Variants in APPL1 observed in about 807,000 individuals in gnomAD.
The protein encoded by APPL1 is adaptor protein, phosphotyrosine interacting with PH domain and leucine zipper 1, also known as DCC-interacting protein 13-alpha.
Under a neutral mutation model 106.8 loss-of-function variants are expected in APPL1, and 42 were observed. The ratio of observed to expected loss-of-function variants is 0.39; its 90% CI spans 0.31 to 0.51. The LOEUF is 0.51. APPL1 is among the 20% of genes least tolerant of loss of function. The pLI is 0.75. For synonymous variants in APPL1, 263 were observed against 281.8 expected (o/e 0.93, Z 0.67); for missense variants, 769 against 858.2 (o/e 0.90, Z 1.30).
chr3:57,261,101 C>T (rs114683052), intron 19 of APPL1, among the ~76,000 whole-genome samples: 3,681 of 152,232 alleles, frequency 0.024, 71 homozygotes, highest in South Asian at 0.036. Context: ...TCTTCATCCT[C>T]CCCCTTTCCT....
chr3:57,269,456 G>A lies in APPL1; in HGVS notation c.1984-85G>A, dbSNP rs1324845587. 3.5e-6 allele frequency: 5 copies of A among 1,412,840 alleles called. No homozygotes were observed. In the East Asian group the frequency reaches 9.3e-5, roughly 26 times the overall value. 87.5% of individuals were successfully genotyped at this position (1,412,840 alleles called of 1,614,324 possible). ...CATACATATTTATGACAGAAGAAGT[G>A]GCTCTCAAGAATGTATCTTAACTGC... On this transcript the variant is annotated intron_variant, in intron 21 of 21. Transcript: ENST00000288266.
intron 4 of APPL1, among the ~76,000 whole-genome samples, chr3:57,238,929 C>T (rs552885362): frequency 6.6e-6 from 1 of 152,250 alleles, no homozygotes; most frequent in East Asian, 1.9e-4. Context: ...GTGTATTAGT[C>T]TGTTTTCACA....
chr3:57,261,862 G>A (rs964920427), intron 19 of APPL1, among the ~76,000 whole-genome samples: 4 of 152,102 alleles, frequency 2.6e-5, no homozygotes, highest in Admixed American at 6.5e-5. Flanking sequence ...TTCCATAGTG[G>A]TTGTACTAGT....
At chr3:57,234,271 T>C (rs1279817148) in intron 1 of APPL1, among the ~76,000 whole-genome samples, 4 of 151,856 alleles carry the variant, frequency 2.6e-5, no homozygotes, top group African/African-American at 7.3e-5. Flanking sequence ...AGTTTCCTTA[T>C]CTTTGACAAA....
intron 4 of APPL1, among the ~76,000 whole-genome samples, chr3:57,238,978 A>G (rs996308800): frequency 6.6e-6 from 1 of 152,228 alleles, no homozygotes; most frequent in Non-Finnish European, 1.5e-5. Flanking sequence ...TAATTTATAA[A>G]GAAAAAGAGG....
chr3:57,235,988 T>C lies in APPL1; in HGVS notation c.153+324T>C, dbSNP rs140580368. Among the ~76,000 whole-genome samples the C allele has an allele frequency of 1.2e-3, 184 of 152,084 alleles. 1 individual carries two copies. The highest frequency in any genetic ancestry group is 4.3e-3 in the African/African-American group (177 of 41,494). On this transcript the variant is annotated intron_variant, in intron 2 of 21. Transcript: ENST00000288266. ...TTGAATGAAGACCCCATGTCATCAC[T>C]GGTATTTTCCCTAATCATGCTTATT...
Position 57,270,625 on chromosome 3 carries a change from CAG to C in APPL1, c.*941_*942del, listed in dbSNP as rs1174328093. The C allele has an allele frequency of 6.6e-6, 1 of 152,440 alleles. No individual in the cohort carries two copies. Among genetic ancestry groups the C allele is most frequent in the African/African-American group, 2.4e-5 (1 of 41,378 alleles). 9.4% of individuals were successfully genotyped at this position (152,440 alleles called of 1,614,324 possible). A position where few individuals can be genotyped will look rare whatever the true frequency, so the allele number is the denominator to read the frequency against. ...GTTTCATGCTTAAAGTAAAAATTCCCAGAGTTTAGTTTAGAAAATGTAATCTT... is the reference window on the plus strand; with the variant it reads ...GTTTCATGCTTAAAGTAAAAATTCCCAGTTTAGTTTAGAAAATGTAATCTT... On this transcript the variant is annotated 3_prime_UTR_variant, in exon 22 of 22. Transcript: ENST00000288266.
Position 57,263,590 on chromosome 3 carries a change from C to G in APPL1, c.1842+2816C>G, listed in dbSNP as rs137885669. Among the ~76,000 whole-genome samples, 628 of 152,222 alleles carry G rather than the reference C, an allele frequency of 4.1e-3. 5 individuals are homozygous for G. The highest frequency in any genetic ancestry group is 0.014 in the African/African-American group (602 of 41,534). On this transcript the variant is annotated intron_variant, in intron 19 of 21. Transcript: ENST00000288266. ...TATATCTTATTGCAAATGACAGAAT[C>G]TCATTCTTTTTTATGGCTGAATAGT...
At position 57,246,077 on chromosome 3, in the gene APPL1, T is replaced by G; in HGVS notation, c.476T>G (p.Val159Gly). 1 of 1,565,594 alleles carries G rather than the reference T, an allele frequency of 6.4e-7. No individual in the cohort carries two copies. The highest frequency in any genetic ancestry group is 8.6e-7 in the Non-Finnish European group (1 of 1,161,408). Residue 159 changes from valine to glycine, a missense_variant and splice_region_variant, in exon 8 of 22, where the codon GTG (valine) becomes GGG (glycine). Coordinates refer to ENST00000288266, the MANE Select transcript of APPL1 (RefSeq NM_012096.3). ...RLSKKRENDKVKYEVTEDVYT... is the reference protein window; with the variant it reads ...RLSKKRENDKGKYEVTEDVYT... ...TTATTTAAATCTTTTCATTCAAAGG[T>G]GAAGTATGAAGTAACAGAAGATGTG...
chr3:57,259,153 A>T, intron 16 of APPL1, 73 bp downstream of exon 16: 4 of 1,304,928 alleles, frequency 3.1e-6, no homozygotes, highest in Non-Finnish European at 4.4e-6. Flanking sequence ...TATTGTTTAT[A>T]TTTGCTCTGC....
chr3:57,250,988 T>A (rs2107604339), intron 11 of APPL1, among the ~76,000 whole-genome samples: 1 of 148,314 alleles, frequency 6.7e-6, no homozygotes, highest in Admixed American at 6.7e-5. Context: ...TTTGTATTTT[T>A]AGTAGAGACG....
At position 57,249,484 on chromosome 3, in the gene APPL1, G is replaced by A; in HGVS notation, c.988G>A (p.Val330Met). 6.2e-7 allele frequency: 1 copy of A among 1,614,112 alleles called. No homozygotes were observed. Among genetic ancestry groups the A allele is most frequent in the Non-Finnish European group, 8.5e-7 (1 of 1,179,992 alleles). Residue 330 changes from valine (V) to methionine (M), a missense_variant, in exon 11 of 22, where the codon GTG becomes ATG. Transcript: ENST00000288266. Reference protein sequence around the residue: ...GLAMDIDNCSVMAVDCEDRRY... With the variant: ...GLAMDIDNCSMMAVDCEDRRY... The stretch of plus-strand genomic sequence containing the variant: ...GGCCATGGACATAGACAACTGTTCA[G>A]TGATGGCTGTGGACTGTGAAGACAG...
In APPL1 at chr3:57,272,487, G is replaced by GAGTT. The variant is rs1035025147; in HGVS notation, c.*2802_*2805dup. The GAGTT allele has an allele frequency of 6.6e-6, 1 of 152,140 alleles. No homozygotes were observed. Among genetic ancestry groups the GAGTT allele is most frequent in the East Asian group, 1.9e-4 (1 of 5,196 alleles). The allele number at this position is 152,140 out of a possible 1,614,324, so 9.4% of individuals were successfully genotyped here. ...AAAATCGTATATGGTAAAGGCATTT[G>GAGTT]AGTTAATTTTGCATTATATCTAGGA... is the stretch of plus-strand genomic sequence containing the variant. On this transcript the variant is annotated 3_prime_UTR_variant, in exon 22 of 22. Transcript: ENST00000288266.
chr3:57,229,387 G>A (rs1396147953), intron 1 of APPL1, among the ~76,000 whole-genome samples: 1 of 151,714 alleles, frequency 6.6e-6, no homozygotes, highest in Admixed American at 6.6e-5. Context: ...ACACTGCCCT[G>A]GAAATGACTT....
chr3:57,251,571 A>G (rs748505805), intron 11 of APPL1, among the ~76,000 whole-genome samples: 5 of 152,048 alleles, frequency 3.3e-5, no homozygotes, highest in Non-Finnish European at 7.4e-5. Context: ...TCCTTTATCA[A>G]AATGGTTGTT....
intron 13 of APPL1, among the ~76,000 whole-genome samples, chr3:57,254,670 A>G (rs1263327677): frequency 2.3e-4 from 35 of 152,214 alleles, no homozygotes; most frequent in African/African-American, 7.7e-4. Context: ...TGTTGCCCAG[A>G]CTGGAGTGCA....
Position 57,269,558 on chromosome 3 carries a change from T to C in APPL1, c.2001T>C (p.Ser667=). 2 of 1,613,880 alleles carry C rather than the reference T, an allele frequency of 1.2e-6. No individual in the cohort carries two copies. Among genetic ancestry groups the C allele is most frequent in the South Asian group, 1.1e-5 (1 of 90,990 alleles). The change falls in exon 22 of 22, where the codon AGT becomes AGC. Residue 667 remains serine (S), a synonymous_variant. Transcript: ENST00000288266. The part of the protein sequence containing the change: ...KQIEKDLEEQ[S]RLIAASSRPN... ...TCCACTAGGACTTGGAAGAACAAAG[T>C]CGGTTGATAGCTGCTTCCAGTAGAC...
At chr3:57,260,823 TCTTA>T (rs1282329007) in intron 19 of APPL1, 49 bp downstream of exon 19, 3 of 1,469,132 alleles carry the variant, frequency 2.0e-6, no homozygotes, top group Non-Finnish European at 2.7e-6. Context: ...ACTAATTGAT[TCTTA>T]CTAAGATTTA....
rs146179215 is a variant in APPL1, at chr3:57,266,193, G to A, written c.1843-1549G>A. 4.6e-3 allele frequency among the ~76,000 whole-genome samples: 696 copies of A among 152,270 alleles called. 3 individuals are homozygous for A. The highest frequency in any genetic ancestry group is 7.3e-3 in the Admixed American group (111 of 15,296). ...TGTCTTTGTCTGGTTTTGGTATCAG[G>A]TAATACTGGCCTCGTAGAATGAGTT... On this transcript the variant is annotated intron_variant, in intron 19 of 21. Transcript: ENST00000288266.
Sources: gnomAD v4.1 joint callset for allele counts (sites outside exome capture counted in the v4.1 genomes callset) on GRCh38, gnomAD v4.1.1 for gene constraint, MANE v1.5 for transcripts, NCBI Gene and HGNC (gene_info 2026-07-23, HGNC 2026-07-21) for gene names.